TRDN: variants seen among roughly 807,000 people sequenced by gnomAD.
TRDN encodes the protein triadin in skeletal muscle.
In TRDN, 161 loss-of-function variants were observed where a neutral mutation model predicts 149.7. The observed-to-expected ratio is 1.08, with a 90% confidence interval of 0.95 to 1.23. The LOEUF is 1.23. TRDN is among the 50% of genes most tolerant of loss of function. TRDN has a pLI of 0.00. For missense variants in TRDN, 896 were observed against 823.5 expected (o/e 1.09, Z -1.08); for synonymous variants, 294 against 250.5 (o/e 1.17, Z -1.64).
At chr6:123,604,217 G>A (rs1193984807) in intron 1 of TRDN, among the ~76,000 whole-genome samples, 4 of 152,162 alleles carry the variant, frequency 2.6e-5, no homozygotes, top group African/African-American at 7.2e-5. Context: ...ACTGTTAATC[G>A]TGTGACCCTG....
rs1226274926 is a variant in TRDN at position 123,267,080 on chromosome 6, C to G, written c.1783+627G>C. Among the ~76,000 whole-genome samples the G allele has an allele frequency of 5.3e-5, 3 of 56,970 alleles. No homozygotes were observed. In the East Asian group the frequency reaches 2.4e-3, roughly 46 times the overall value. 37.4% of individuals were successfully genotyped at this position (56,970 alleles called of 152,430 possible). On this transcript the variant is annotated intron_variant, in intron 32 of 40. Transcript: ENST00000334268. ...TGAGATGGAGCCACTGCACTCCAGC[C>G]TGGAGAGAGAGATTTTGTCTCAAAA...
intron 24 of TRDN, 113 bp downstream of exon 24, chr6:123,316,344 T>C (rs1417166264): frequency 1.1e-4 from 108 of 978,176 alleles, no homozygotes; most frequent in South Asian, 1.4e-5. Context: ...ATTTTTTTAA[T>C]GTTTTGGATG....
intron 5 of TRDN, among the ~76,000 whole-genome samples, chr6:123,520,326 T>C (rs564819276): frequency 2.0e-4 from 30 of 152,308 alleles, no homozygotes; most frequent in African/African-American, 7.0e-4. Flanking sequence ...GTAACTACCC[T>C]GAACTTCTTT....
chr6:123,390,993 A>G (rs529055542), intron 13 of TRDN, among the ~76,000 whole-genome samples: 1 of 152,080 alleles, frequency 6.6e-6, no homozygotes, highest in Non-Finnish European at 1.5e-5. Flanking sequence ...GCCGAGTTCC[A>G]TTACGGCATG....
chr6:123,397,548 A>T (rs1050048682), intron 12 of TRDN, among the ~76,000 whole-genome samples: 1 of 152,180 alleles, frequency 6.6e-6, no homozygotes, highest in Non-Finnish European at 1.5e-5. Flanking sequence ...TCTAACTATA[A>T]AAATGAAAAA....
intron 24 of TRDN, among the ~76,000 whole-genome samples, chr6:123,315,491 T>A (rs1030254953): frequency 5.3e-5 from 8 of 151,984 alleles, no homozygotes; most frequent in Non-Finnish European, 1.2e-4. Context: ...TTTAATAATT[T>A]AATATTTAAC....
chr6:123,443,498 A>T (rs1157559229), intron 10 of TRDN, among the ~76,000 whole-genome samples: 1 of 152,098 alleles, frequency 6.6e-6, no homozygotes, highest in African/African-American at 2.4e-5. Flanking sequence ...AAATTCAAAG[A>T]AGAGCCAGGC....
chr6:123,557,141 A>G (rs1781714148), intron 2 of TRDN, among the ~76,000 whole-genome samples: 1 of 127,228 alleles, frequency 7.9e-6, no homozygotes, highest in Non-Finnish European at 1.6e-5. Context: ...GCCGCACCCC[A>G]TCTCCCTTCA....
Position 123,274,204 on chromosome 6 carries a change from A to C in TRDN, c.1597+437T>G, listed in dbSNP as rs1488129476. On this transcript the variant is annotated intron_variant, in intron 27 of 40. Coordinates refer to ENST00000334268, the MANE Select transcript of TRDN (RefSeq NM_006073.4). ...AATCCTATGCTAGTCCTTAGCTCAC[A>C]ATAGATGCTTAATAAATTCTTGCTC... Among the ~76,000 whole-genome samples the C allele has an allele frequency of 2.6e-5, 4 of 152,262 alleles. No homozygotes were observed. The East Asian group carries it at 7.7e-4, about 29-fold the overall frequency.
chr6:123,634,282 A>T (rs1248854968), intron 1 of TRDN, among the ~76,000 whole-genome samples: 4 of 149,072 alleles, frequency 2.7e-5, no homozygotes, highest in African/African-American at 7.4e-5. Context: ...AAATAATAAT[A>T]AAAAAAAAAT....
intron 24 of TRDN, among the ~76,000 whole-genome samples, chr6:123,291,365 C>T (rs764013313): frequency 1.3e-4 from 19 of 151,874 alleles, no homozygotes; most frequent in Non-Finnish European, 1.8e-4. Flanking sequence ...GTGATTGGGA[C>T]CATCCTGGCT....
chr6:123,555,400 G>T (rs557911885), intron 2 of TRDN, among the ~76,000 whole-genome samples: 93 of 152,210 alleles, frequency 6.1e-4, no homozygotes, highest in African/African-American at 2.1e-3. Context: ...AGGAAGTCAA[G>T]CATTCAAAAA....
intron 24 of TRDN, among the ~76,000 whole-genome samples, chr6:123,285,953 ACAAAT>A (rs1777790120): frequency 6.6e-6 from 1 of 152,120 alleles, no homozygotes; most frequent in African/African-American, 2.4e-5. Flanking sequence ...TCAGGGAAAC[ACAAAT>A]CAAAACCACA....
rs1218113277 is a variant in TRDN at position 123,547,366 on chromosome 6, A to G, written c.398T>C (p.Ile133Thr). 2 of 1,458,862 alleles carry G rather than the reference A, an allele frequency of 1.4e-6. No individual in the cohort carries two copies. Among genetic ancestry groups the G allele is most frequent in the Non-Finnish European group, 1.8e-6 (2 of 1,098,022 alleles). The allele number at this position is 1,458,862 out of a possible 1,614,324, so 90.4% of individuals were successfully genotyped here. A position where few individuals can be genotyped will look rare whatever the true frequency, so the allele number is the denominator to read the frequency against. ...TTTTTTTCTCAAGGGAGGCTCATCTATTTCTCCTAGACCAAGATTAAAAGA... is the reference window on the plus strand; with the variant it reads ...TTTTTTTCTCAAGGGAGGCTCATCTGTTTCTCCTAGACCAAGATTAAAAGA... ...DGDEDTDKGE[I>T]DEPPLRKKEI... is the part of the protein sequence containing the mutation. Residue 133 changes from isoleucine (I) to threonine (T), a missense_variant, in exon 4 of 41, where the codon ATA (isoleucine) becomes ACA (threonine). Physicochemically the swap from Ile to Thr is moderately conservative, Grantham distance 89. Transcript: ENST00000334268.
intron 1 of TRDN, among the ~76,000 whole-genome samples, chr6:123,631,678 G>A (rs1000763993): frequency 6.6e-6 from 1 of 151,898 alleles, no homozygotes; most frequent in African/African-American, 2.4e-5. Context: ...CTTATTAAAA[G>A]ATTTACTCTA....
In TRDN at chr6:123,573,191, G is replaced by A. The variant is rs535983017; in HGVS notation, c.23-2059C>T. ...TCTGCATTACCCAAATGGCTAGAAG[G>A]TCGCTATTACACTACATCTCTGAGT... On this transcript the variant is annotated intron_variant, in intron 1 of 40. Transcript: ENST00000334268. 2.6e-5 allele frequency among the ~76,000 whole-genome samples: 4 copies of A among 152,132 alleles called. No homozygotes were observed. The South Asian group carries it at 8.3e-4, about 32-fold the overall frequency.
intron 33 of TRDN, among the ~76,000 whole-genome samples, chr6:123,261,499 A>T (rs901660466): frequency 6.6e-6 from 1 of 151,746 alleles, no homozygotes; most frequent in Non-Finnish European, 1.5e-5. Context: ...TATAACCTGG[A>T]AAGTTTTTTT....
chr6:123,317,162 C>A (rs1253634689), intron 23 of TRDN, among the ~76,000 whole-genome samples: 1 of 151,796 alleles, frequency 6.6e-6, no homozygotes, highest in Non-Finnish European at 1.5e-5. Flanking sequence ...CATAGCACAA[C>A]CCTAATCAAT....
At position 123,509,819 on chromosome 6, in the gene TRDN, A is replaced by T. The variant is rs1219395931; in HGVS notation, c.610+2484T>A. 6 of 152,248 alleles carry T rather than the reference A, an allele frequency of 3.9e-5. No individual in the cohort carries two copies. The East Asian group carries it at 9.7e-4, about 25-fold the overall frequency. The allele number at this position is 152,248 out of a possible 1,614,324, so 9.4% of individuals were successfully genotyped here. A position where few individuals can be genotyped will look rare whatever the true frequency, so the allele number is the denominator to read the frequency against. On this transcript the variant is annotated intron_variant, in intron 7 of 40. Transcript: ENST00000334268. ...CAGTATTCAACAAATTTTTTGAAAA[A>T]AAAAAGATGCTTGAAGACCTGTATT...
Sources: gnomAD v4.1 joint callset for allele counts (sites outside exome capture counted in the v4.1 genomes callset) on GRCh38, gnomAD v4.1.1 for gene constraint, MANE v1.5 for transcripts, NCBI Gene and HGNC (gene_info 2026-07-23, HGNC 2026-07-21) for gene names.